The following KLF10 variants were observed in gnomAD, a reference collection of about 807,000 sequenced individuals.
KLF10 encodes KLF transcription factor 10.
Under a neutral mutation model 31.6 loss-of-function variants are expected in KLF10, and 17 were observed. The observed-to-expected ratio is 0.54, with a 90% confidence interval of 0.37 to 0.81. The LOEUF (loss-of-function observed/expected upper bound fraction) is 0.81. Among genes scored for constraint, KLF10 ranks in the 30% least tolerant of loss-of-function variants. KLF10 has a pLI of 0.00. For synonymous variants in KLF10, 239 were observed against 215.1 expected (o/e 1.11, Z -0.97); for missense variants, 525 against 598.1 (o/e 0.88, Z 1.27).
intron 1 of KLF10, among the ~76,000 whole-genome samples, chr8:102,654,534 CCCT>C (rs1827312171): frequency 3.3e-5 from 5 of 152,012 alleles, no homozygotes; most frequent in African/African-American, 1.2e-4. Flanking sequence ...CCGGCCGCCG[CCCT>C]CCTCCCGCCG....
At chr8:102,653,523 T>C (rs1827267827) in intron 1 of KLF10, 7 of 1,518,174 alleles carry the variant, frequency 4.6e-6, no homozygotes, top group African/African-American at 2.8e-5. Context: ...TTGGTCAAAG[T>C]AGAGATTGTG....
intron 1 of KLF10, 36 bp downstream of exon 1, chr8:102,655,530 G>A: frequency 6.2e-7 from 1 of 1,613,730 alleles, no homozygotes; most frequent in African/African-American, 1.3e-5. Flanking sequence ...GACAAGACCA[G>A]GCGAGGAAGC....
chr8:102,651,395 G>A lies in KLF10; in HGVS notation c.937C>T (p.Pro313Ser). The A allele has an allele frequency of 1.9e-6, 3 of 1,609,388 alleles. No homozygotes were observed. Among genetic ancestry groups the A allele is most frequent in the Non-Finnish European group, 2.5e-6 (3 of 1,177,252 alleles). Residue 313 changes from proline (P) to serine (S), a missense_variant, in exon 3 of 4, where the codon CCC (proline) becomes TCC (serine). This residue lies in a region of KLF10 where 434 missense variants were observed against 450.7 expected (regional missense o/e 0.96). Transcript: ENST00000285407. The part of the protein sequence containing the change: ...PPVVFMGTQV[P>S]KGAVMFVVPQ... Reference sequence around the variant, plus strand: ...ACCACAAACATGACAGCGCCTTTGGGGACTTGTGTGCCCATGAACACAACA... The same window carrying A: ...ACCACAAACATGACAGCGCCTTTGGAGACTTGTGTGCCCATGAACACAACA...
chr8:102,653,710 C>T, intron 1 of KLF10: 1 of 1,216,154 alleles, frequency 8.2e-7, no homozygotes, highest in Non-Finnish European at 1.0e-6. Flanking sequence ...CAATGGACAG[C>T]GCGCGTGTGT....
In KLF10 at chr8:102,652,163, C is replaced by T; in HGVS notation, c.270+1G>A. 6.4e-7 allele frequency: 1 copy of T among 1,572,730 alleles called. No homozygotes were observed. The highest frequency in any genetic ancestry group is 8.6e-7 in the Non-Finnish European group (1 of 1,157,846). ...TCTATCTTAAAAACAATAATACTTA[C>T]AAATGCTGGGATTGTATGAAAATCA... On this transcript the variant is annotated splice_donor_variant, in intron 2 of 3. Coordinates refer to ENST00000285407, the MANE Select transcript of KLF10 (RefSeq NM_005655.4). LOFTEE classifies it high-confidence loss of function.
chr8:102,655,701 C>G lies in KLF10; in HGVS notation c.-100G>C. 7.2e-7 allele frequency: 1 copy of G among 1,380,862 alleles called. No homozygotes were observed. Among genetic ancestry groups the G allele is most frequent in the South Asian group, 1.2e-5 (1 of 82,246 alleles). 85.5% of individuals were successfully genotyped at this position (1,380,862 alleles called of 1,614,324 possible). On this transcript the variant is annotated 5_prime_UTR_variant, in exon 1 of 4. Coordinates refer to ENST00000285407, the MANE Select transcript of KLF10 (RefSeq NM_005655.4). ...CGGAGACACTCGACGCCGCTCCCGC[C>G]GCCGCCGCGCTCAGCGCCGTCTGCC...
At chr8:102,653,967 G>C in intron 1 of KLF10, 1 of 985,896 alleles carries the variant, frequency 1.0e-6, no homozygotes, top group South Asian at 4.6e-5. Context: ...ACCTCAATGA[G>C]GCTCACGGGT....
rs539965430 is a variant in KLF10, at chr8:102,652,085, C to T, written c.271-24G>A. ...CACTAAAGAAAAGGGAAATACATAGCATGAGAAATCTACAGTTTATTATAT... is the reference window on the plus strand; with the variant it reads ...CACTAAAGAAAAGGGAAATACATAGTATGAGAAATCTACAGTTTATTATAT... On this transcript the variant is annotated intron_variant, in intron 2 of 3. Coordinates refer to ENST00000285407, the MANE Select transcript of KLF10 (RefSeq NM_005655.4). 12 of 1,504,586 alleles carry T rather than the reference C, an allele frequency of 8.0e-6. No individual in the cohort carries two copies. The Admixed American group carries it at 2.5e-4, about 31-fold the overall frequency. The allele number at this position is 1,504,586 out of a possible 1,614,324, so 93.2% of individuals were successfully genotyped here.
At chr8:102,653,914 G>T (rs1209339333) in intron 1 of KLF10, 41 of 986,248 alleles carry the variant, frequency 4.2e-5, no homozygotes, top group Non-Finnish European at 4.7e-5. Flanking sequence ...CGGACGGCGG[G>T]GGAGATCCTA....
Position 102,648,815 on chromosome 8 carries a change from T to A in KLF10, c.*1317A>T, listed in dbSNP as rs1419945975. ...AGGGAATTCTTTATTGTAAACAAGA[T>A]ATAAAGTACAACAAAAGAAATATTG... On this transcript the variant is annotated 3_prime_UTR_variant, in exon 4 of 4. Coordinates refer to ENST00000285407, the MANE Select transcript of KLF10 (RefSeq NM_005655.4). 1 of 152,618 alleles carries A rather than the reference T, an allele frequency of 6.6e-6. No individual in the cohort carries two copies. Among genetic ancestry groups the A allele is most frequent in the Non-Finnish European group, 1.5e-5 (1 of 68,022 alleles). 9.5% of individuals were successfully genotyped at this position (152,618 alleles called of 1,614,324 possible).
chr8:102,652,310 C>T lies in KLF10; in HGVS notation c.124G>A (p.Val42Ile), dbSNP rs745651646. ...CAGCTCATTGACATAAGTGCTTCTA[C>T]AGCTTCAAAATCACTTTTCTCTGCA... ...KTAEKSDFEA[V>I]EALMSMSCSW... Residue 42 changes from valine (V) to isoleucine (I), a missense_variant, in exon 2 of 4, where the codon GTA becomes ATA. Val to Ile is a conservative substitution (Grantham distance 29). Transcript: ENST00000285407. 2.5e-6 allele frequency: 4 copies of T among 1,613,060 alleles called. No individual in the cohort carries two copies. Among genetic ancestry groups the T allele is most frequent in the Non-Finnish European group, 2.5e-6 (3 of 1,179,294 alleles).
At chr8:102,653,940 C>G in intron 1 of KLF10, 1 of 987,370 alleles carries the variant, frequency 1.0e-6, no homozygotes, top group Non-Finnish European at 1.2e-6. Flanking sequence ...CGGAGACCGA[C>G]GGATGGGGCC....
chr8:102,654,974 G>A (rs1346427583), intron 1 of KLF10, among the ~76,000 whole-genome samples: 1 of 151,880 alleles, frequency 6.6e-6, no homozygotes, highest in Non-Finnish European at 1.5e-5. Context: ...GACGACAGGC[G>A]CCCCTTCCCC....
At position 102,655,701 on chromosome 8, in the gene KLF10, C is replaced by A. The variant is rs1014332512; in HGVS notation, c.-100G>T. 120 of 1,380,744 alleles carry A rather than the reference C, an allele frequency of 8.7e-5. No homozygotes were observed. Among genetic ancestry groups the A allele is most frequent in the Non-Finnish European group, 1.2e-4 (117 of 989,026 alleles). 85.5% of individuals were successfully genotyped at this position (1,380,744 alleles called of 1,614,324 possible). ...CGGAGACACTCGACGCCGCTCCCGC[C>A]GCCGCCGCGCTCAGCGCCGTCTGCC... On this transcript the variant is annotated 5_prime_UTR_variant, in exon 1 of 4. Transcript: ENST00000285407.
rs1827168829 is a variant in KLF10 at position 102,650,118 on chromosome 8, C to T, written c.*14G>A. On this transcript the variant is annotated 3_prime_UTR_variant, in exon 4 of 4. Coordinates refer to ENST00000285407, the MANE Select transcript of KLF10 (RefSeq NM_005655.4). ...GAGACCAAAGTTAGTTCTGACTCTT[C>T]ACTTTCCGGTCTGTCACTGTGTGGG... 1 of 1,613,356 alleles carries T rather than the reference C, an allele frequency of 6.2e-7. No homozygotes were observed. The highest frequency in any genetic ancestry group is 8.5e-7 in the Non-Finnish European group (1 of 1,179,422).
Position 102,651,296 on chromosome 8 carries a change from G to C in KLF10, c.1036C>G (p.Pro346Ala). 1.2e-6 allele frequency: 2 copies of C among 1,607,044 alleles called. No homozygotes were observed. The highest frequency in any genetic ancestry group is 1.1e-5 in the South Asian group (1 of 89,962). Residue 346 changes from proline (P) to alanine (A), a missense_variant, in exon 3 of 4, where the codon CCT (proline) becomes GCT (alanine). Pro to Ala is a conservative substitution (Grantham distance 27). Coordinates refer to ENST00000285407, the MANE Select transcript of KLF10 (RefSeq NM_005655.4). ...GCTGAAGGGGAAAACCCAGGAGCAG[G>C]GGCAATGGGAGAGAGTCTGGTGCCA... ...PNGTRLSPIAPAPGFSPSAAK... is the reference protein window; with the variant it reads ...PNGTRLSPIAAAPGFSPSAAK...
Position 102,652,251 on chromosome 8 carries a change from T to C in KLF10, c.183A>G (p.Glu61=), listed in dbSNP as rs1261440907. The C allele has an allele frequency of 6.2e-7, 1 of 1,613,652 alleles. No homozygotes were observed. Among genetic ancestry groups the C allele is most frequent in the South Asian group, 1.1e-5 (1 of 91,006 alleles). ...SWKSDFKKYV[E]NRPVTPVSDL... The stretch of plus-strand genomic sequence containing the variant: ...CAGATACTGGTGTAACAGGTCTGTT[T>C]TCAACGTATTTCTTAAAATCAGACT... The change falls in exon 2 of 4, where the codon GAA becomes GAG. Residue 61 remains glutamate (E), a synonymous_variant. Transcript: ENST00000285407.
At position 102,650,011 on chromosome 8, in the gene KLF10, T is replaced by A; in HGVS notation, c.*121A>T. The A allele has an allele frequency of 2.3e-6, 3 of 1,322,794 alleles. No individual in the cohort carries two copies. Among genetic ancestry groups the A allele is most frequent in the Middle Eastern group, 2.6e-4 (1 of 3,858 alleles). The allele number at this position is 1,322,794 out of a possible 1,614,324, so 81.9% of individuals were successfully genotyped here. A position where few individuals can be genotyped will look rare whatever the true frequency, so the allele number is the denominator to read the frequency against. ...CCCAGGCGGGGCCTTCGTGCCAGGC[T>A]GTGGGGCTTCTGCTTTAAGCCCACG... On this transcript the variant is annotated 3_prime_UTR_variant, in exon 4 of 4. Coordinates refer to ENST00000285407, the MANE Select transcript of KLF10 (RefSeq NM_005655.4).
Position 102,649,494 on chromosome 8 carries a change from A to C in KLF10, c.*638T>G, listed in dbSNP as rs1036592647. ...ACAAATTGTAGCTATGCTTCAAAGCAATTAAATTAAGGAGGATTCCAATTC... is the reference window on the plus strand; with the variant it reads ...ACAAATTGTAGCTATGCTTCAAAGCCATTAAATTAAGGAGGATTCCAATTC... On this transcript the variant is annotated 3_prime_UTR_variant, in exon 4 of 4. Transcript: ENST00000285407. 6.6e-6 allele frequency: 1 copy of C among 152,326 alleles called. No individual in the cohort carries two copies. Among genetic ancestry groups the C allele is most frequent in the African/African-American group, 2.4e-5 (1 of 41,472 alleles). The allele number at this position is 152,326 out of a possible 1,614,324, so 9.4% of individuals were successfully genotyped here.
Sources: gnomAD v4.1 joint callset for allele counts (sites outside exome capture counted in the v4.1 genomes callset) on GRCh38, gnomAD v4.1.1 for gene constraint, gnomAD v4.1.1 regional missense constraint, MANE v1.5 for transcripts, NCBI Gene and HGNC (gene_info 2026-07-23, HGNC 2026-07-21) for gene names.